Variants in CADM1 observed in about 807,000 individuals in gnomAD.
CADM1 encodes the protein TSLC-1.
CADM1 carries 15 observed loss-of-function variants against 53.1 expected under a neutral mutation model. That is an observed-to-expected ratio of 0.28 (90% CI 0.19 to 0.44). The LOEUF (loss-of-function observed/expected upper bound fraction) is 0.44, where lower values mean the gene tolerates loss of function less well. Ranked by LOEUF, CADM1 falls within the 20% of genes least tolerant of loss-of-function variation. The pLI is 1.00. For synonymous variants in CADM1, 281 were observed against 243.0 expected, an observed-to-expected ratio of 1.16 and a Z score of -1.45; for missense variants, 434 against 611.3, an observed-to-expected ratio of 0.71 and a Z score of 3.06.
intron 1 of CADM1, among the ~76,000 whole-genome samples, chr11:115,391,399 T>C (rs565423706): frequency 6.6e-6 from 1 of 152,286 alleles, no homozygotes; most frequent in South Asian, 2.1e-4. Flanking sequence ...CACAGTTCCA[T>C]TCTAAAATGT....
chr11:115,501,350 C>A (rs923070617), intron 1 of CADM1, among the ~76,000 whole-genome samples: 1 of 152,162 alleles, frequency 6.6e-6, no homozygotes, highest in Admixed American at 6.5e-5. Context: ...GGTTTGCAAG[C>A]CCCAACAGGC....
intron 9 of CADM1, among the ~76,000 whole-genome samples, chr11:115,193,480 A>G (rs1939993970): frequency 6.6e-6 from 1 of 152,180 alleles, no homozygotes; most frequent in Non-Finnish European, 1.5e-5. Flanking sequence ...TCATGGTGCT[A>G]CAATGTGCTA....
chr11:115,323,455 A>T (rs1156961117), intron 1 of CADM1, among the ~76,000 whole-genome samples: 3 of 152,148 alleles, frequency 2.0e-5, no homozygotes, highest in African/African-American at 7.2e-5. Context: ...AGTGGGGTGC[A>T]GGGAAAGTAG....
chr11:115,188,700 G>A (rs1251129745), intron 10 of CADM1, among the ~76,000 whole-genome samples: 2 of 152,118 alleles, frequency 1.3e-5, no homozygotes, highest in Non-Finnish European at 2.9e-5. Context: ...TTTATTGATG[G>A]ACTGTTTAAG....
intron 9 of CADM1, among the ~76,000 whole-genome samples, chr11:115,195,993 C>A (rs924094646): frequency 4.6e-5 from 7 of 152,124 alleles, no homozygotes; most frequent in Non-Finnish European, 5.9e-5. Context: ...AGTCAAATTC[C>A]AAGTATATAT....
At chr11:115,449,251 C>A (rs1383104468) in intron 1 of CADM1, among the ~76,000 whole-genome samples, 1 of 152,136 alleles carries the variant, frequency 6.6e-6, no homozygotes, top group Non-Finnish European at 1.5e-5. Flanking sequence ...CTTTTTCAAC[C>A]TAGATTAAAT....
chr11:115,212,949 T>C (rs955626317), intron 7 of CADM1, among the ~76,000 whole-genome samples: 9 of 152,204 alleles, frequency 5.9e-5, no homozygotes. Flanking sequence ...TTCAAATATA[T>C]CTGTCCATCA....
rs1459196143 is a variant in CADM1 at position 115,504,290 on chromosome 11, G to T, written c.105C>A (p.Ala35=). ...RLRLLLLLFS[A]AALIPTGDGQ... is the part of the protein sequence containing the mutation. ...ACCTACCTGTGGGGATCAGTGCCGC[G>T]GCGGAGAAGAGCAACAGCAGAAGCC... Residue 35 remains alanine, a synonymous_variant, in exon 1 of 12, where the codon GCC becomes GCA. Coordinates refer to ENST00000331581, the MANE Select transcript of CADM1 (RefSeq NM_001301043.2). 2 of 1,568,764 alleles carry T rather than the reference G, an allele frequency of 1.3e-6. No homozygotes were observed. Among genetic ancestry groups the T allele is most frequent in the East Asian group, 2.4e-5 (1 of 42,100 alleles).
At chr11:115,196,595 T>TAAAAAAA (rs61694033) in intron 9 of CADM1, among the ~76,000 whole-genome samples, 9 of 76,852 alleles carry the variant, frequency 1.2e-4, no homozygotes, top group Admixed American at 1.9e-4. Flanking sequence ...GCTGATGAAC[T>TAAAAAAA]AAAAAAAAAA....
At chr11:115,187,014 G>T (rs999815607) in intron 10 of CADM1, among the ~76,000 whole-genome samples, 3 of 152,156 alleles carry the variant, frequency 2.0e-5, no homozygotes, top group Non-Finnish European at 4.4e-5. Flanking sequence ...AAATAATTTT[G>T]TTGAATGAAT....
At chr11:115,466,692 C>A (rs539193177) in intron 1 of CADM1, among the ~76,000 whole-genome samples, 1 of 152,292 alleles carries the variant, frequency 6.6e-6, no homozygotes, top group African/African-American at 2.4e-5. Context: ...CTTCAAAATT[C>A]TTTCAATTAG....
rs1159499590 is a variant in CADM1 at position 115,172,703 on chromosome 11, G to A, written c.*3771C>T. The A allele has an allele frequency of 3.4e-5, 5 of 147,024 alleles. No individual in the cohort carries two copies. Among genetic ancestry groups the A allele is most frequent in the African/African-American group, 1.0e-4 (4 of 39,800 alleles). 9.1% of individuals were successfully genotyped at this position (147,024 alleles called of 1,614,324 possible). A position where few individuals can be genotyped will look rare whatever the true frequency, so the allele number is the denominator to read the frequency against. On this transcript the variant is annotated 3_prime_UTR_variant, in exon 12 of 12. Transcript: ENST00000331581. ...CCTCACCATGCTGGACATACAGCAGGTGCTCAATAACTGCATATCTGATTT... is the reference window on the plus strand; with the variant it reads ...CCTCACCATGCTGGACATACAGCAGATGCTCAATAACTGCATATCTGATTT...
Position 115,169,764 on chromosome 11 carries a change from C to A in CADM1, c.*6710G>T, listed in dbSNP as rs1228911046. 2.9e-6 allele frequency: 1 copy of A among 339,046 alleles called. No homozygotes were observed. Among genetic ancestry groups the A allele is most frequent in the Non-Finnish European group, 5.9e-6 (1 of 168,422 alleles). 21.0% of individuals were successfully genotyped at this position (339,046 alleles called of 1,614,324 possible). On this transcript the variant is annotated 3_prime_UTR_variant, in exon 12 of 12. Transcript: ENST00000331581. ...AGGTCTGCTGTGTCTGGGCAAACAG[C>A]TTTTGTGGATTAGCTAGACTTGCAC... is the stretch of plus-strand genomic sequence containing the variant.
Position 115,175,455 on chromosome 11 carries a change from GAAGT to G in CADM1, c.*1015_*1018del, listed in dbSNP as rs1245870775. ...CTTGCTTTTTCCTACAAATTAGTGA[GAAGT>G]AAGGCCGATTGGGAAAGGTGGATGG... On this transcript the variant is annotated 3_prime_UTR_variant, in exon 12 of 12. Coordinates refer to ENST00000331581, the MANE Select transcript of CADM1 (RefSeq NM_001301043.2). 1 of 985,310 alleles carries G rather than the reference GAAGT, an allele frequency of 1.0e-6. No individual in the cohort carries two copies. Among genetic ancestry groups the G allele is most frequent in the African/African-American group, 1.8e-5 (1 of 57,078 alleles). The allele number at this position is 985,310 out of a possible 1,614,324, so 61.0% of individuals were successfully genotyped here.
chr11:115,473,481 A>G (rs1212662295), intron 1 of CADM1, among the ~76,000 whole-genome samples: 2 of 152,178 alleles, frequency 1.3e-5, no homozygotes, highest in Non-Finnish European at 2.9e-5. Flanking sequence ...AACTACCTCA[A>G]TTGGCAGAAA....
At chr11:115,189,128 G>T (rs149499704) in intron 10 of CADM1, among the ~76,000 whole-genome samples, 95 of 152,222 alleles carry the variant, frequency 6.2e-4, no homozygotes, top group Middle Eastern at 3.4e-3. Context: ...TGCAGGGAGT[G>T]GGGGAGGGGG....
intron 1 of CADM1, among the ~76,000 whole-genome samples, chr11:115,371,435 A>C (rs1373905330): frequency 6.6e-6 from 1 of 152,142 alleles, no homozygotes. Context: ...AATTACAGCT[A>C]ATAAACCAAC....
intron 1 of CADM1, among the ~76,000 whole-genome samples, chr11:115,376,526 C>T (rs576695880): frequency 1.6e-4 from 24 of 151,928 alleles, no homozygotes; most frequent in Non-Finnish European, 1.5e-5. Flanking sequence ...ATTTAGAAAG[C>T]CAAGATACAA....
chr11:115,242,132 A>C (rs1467543144), intron 1 of CADM1, among the ~76,000 whole-genome samples: 1 of 152,038 alleles, frequency 6.6e-6, no homozygotes, highest in African/African-American at 2.4e-5. Context: ...AGCCACAGAT[A>C]GACAAAAATT....
Sources: allele counts gnomAD v4.1 joint callset (sites outside exome capture counted in the v4.1 genomes callset), GRCh38; gene constraint gnomAD v4.1.1; transcripts MANE v1.5; gene names NCBI Gene and HGNC (gene_info 2026-07-23, HGNC 2026-07-21).